Variants in DTNA observed in about 807,000 individuals in gnomAD.
DTNA encodes the protein dystrobrevin alpha.
In DTNA, 43 loss-of-function variants were observed where a neutral mutation model predicts 100.7. The observed-to-expected ratio is 0.43, with a 90% CI of 0.33 to 0.55. The LOEUF is 0.55. Among genes scored for constraint, DTNA ranks in the 20% least tolerant of loss-of-function variants. The pLI is 0.04. For missense variants in DTNA, 798 were observed against 953.9 expected (o/e 0.84, Z 2.15); for synonymous variants, 349 against 347.9 (o/e 1.00, Z -0.04).
chr18:34,746,434 G>T (rs1415127523), intron 1 of DTNA, among the ~76,000 whole-genome samples: 5 of 152,064 alleles, frequency 3.3e-5, no homozygotes, highest in Non-Finnish European at 7.4e-5. Flanking sequence ...CCAATGTGAG[G>T]CTCAGCCATC....
chr18:34,690,544 T>C (rs1202873036), intron 1 of DTNA, among the ~76,000 whole-genome samples: 1 of 152,226 alleles, frequency 6.6e-6, no homozygotes, highest in Non-Finnish European at 1.5e-5. Flanking sequence ...TGCGTTGGTC[T>C]CACTGGGAGC....
At chr18:34,857,209 ATTACAG>A (rs2096563005) in intron 15 of DTNA, among the ~76,000 whole-genome samples, 1 of 152,236 alleles carries the variant, frequency 6.6e-6, no homozygotes, top group African/African-American at 2.4e-5. Context: ...AAACCACTGA[ATTACAG>A]TTCCATCTTC....
intron 1 of DTNA, among the ~76,000 whole-genome samples, chr18:34,544,891 A>G (rs2044610478): frequency 6.6e-6 from 1 of 152,008 alleles, no homozygotes; most frequent in Non-Finnish European, 1.5e-5. Flanking sequence ...CCCTTAGGAT[A>G]CTGTCAGAAG....
At position 34,882,084 on chromosome 18, in the gene DTNA, A is replaced by C. The variant is rs145486636; in HGVS notation, c.2178A>C (p.Ala726=). The C allele has an allele frequency of 1.1e-4, 178 of 1,614,146 alleles. No individual in the cohort carries two copies. In the African/African-American group the frequency reaches 2.1e-3, roughly 19 times the overall value. The change falls in exon 21 of 23, where the codon GCA becomes GCC. Residue 726 remains alanine, a synonymous_variant. Coordinates refer to ENST00000444659, the MANE Select transcript of DTNA (RefSeq NM_001386795.1). ...TMRGDMVTED[A]DPYVQPEDEN... ...TTATTTTCAGGGTTACGGAGGATGC[A>C]GATCCCTATGTGCAGCCTGAAGATG...
intron 1 of DTNA, among the ~76,000 whole-genome samples, chr18:34,509,217 G>C (rs1431326764): frequency 1.3e-5 from 2 of 152,120 alleles, no homozygotes; most frequent in East Asian, 3.9e-4. Flanking sequence ...AAATGGTATA[G>C]CAGATGTTTC....
At chr18:34,866,769 A>G in intron 17 of DTNA, 2 of 990,906 alleles carry the variant, frequency 2.0e-6, no homozygotes, top group Non-Finnish European at 2.4e-6. Flanking sequence ...CCCAAAGCAG[A>G]ATCCTTACTG....
At chr18:34,668,290 A>C (rs2076233776) in intron 1 of DTNA, among the ~76,000 whole-genome samples, 1 of 151,910 alleles carries the variant, frequency 6.6e-6, no homozygotes, top group Non-Finnish European at 1.5e-5. Flanking sequence ...ATCATTTTTT[A>C]TTGCGTCTAT....
At chr18:34,677,271 G>C (rs181044679) in intron 1 of DTNA, among the ~76,000 whole-genome samples, 2 of 152,208 alleles carry the variant, frequency 1.3e-5, no homozygotes, top group East Asian at 3.9e-4. Flanking sequence ...ACCACCCATG[G>C]GGTTCTTTAA....
intron 1 of DTNA, among the ~76,000 whole-genome samples, chr18:34,539,962 C>G (rs1283546383): frequency 6.6e-6 from 1 of 151,704 alleles, no homozygotes; most frequent in Non-Finnish European, 1.5e-5. Context: ...AATATAGTCA[C>G]TATAATTAAC....
At chr18:34,866,164 A>T (rs763213634) in intron 17 of DTNA, 47 of 1,614,198 alleles carry the variant, frequency 2.9e-5, no homozygotes, top group Non-Finnish European at 4.0e-5. Context: ...GGTCTTAACT[A>T]ACAGTGGAGG....
At chr18:34,670,788 G>A (rs752598015) in intron 1 of DTNA, among the ~76,000 whole-genome samples, 23 of 152,172 alleles carry the variant, frequency 1.5e-4, no homozygotes, top group Non-Finnish European at 3.2e-4. Flanking sequence ...TGGAGGTTTT[G>A]TCTCAGAGGG....
At chr18:34,751,306 T>G (rs567251718) in intron 1 of DTNA, among the ~76,000 whole-genome samples, 97 of 152,338 alleles carry the variant, frequency 6.4e-4, no homozygotes, top group African/African-American at 2.3e-3. Context: ...AAGTATCCAA[T>G]TCACTGGACT....
chr18:34,583,329 G>A (rs2048816201), intron 1 of DTNA, among the ~76,000 whole-genome samples: 1 of 152,032 alleles, frequency 6.6e-6, no homozygotes, highest in Admixed American at 6.6e-5. Context: ...TGCCCCCGTT[G>A]GCCCCCACCC....
chr18:34,506,771 CTA>C (rs1244369763), intron 1 of DTNA, among the ~76,000 whole-genome samples: 1 of 152,104 alleles, frequency 6.6e-6, no homozygotes, highest in Non-Finnish European at 1.5e-5. Context: ...CTGAGGTCCC[CTA>C]GCTGATTTGT....
intron 1 of DTNA, among the ~76,000 whole-genome samples, chr18:34,495,198 A>AG (rs1390615201): frequency 6.6e-6 from 1 of 152,206 alleles, no homozygotes; most frequent in Non-Finnish European, 1.5e-5. Flanking sequence ...GATGAACCTT[A>AG]ATAGGTATGT....
chr18:34,499,805 G>A (rs965057121), intron 1 of DTNA, among the ~76,000 whole-genome samples: 2 of 151,814 alleles, frequency 1.3e-5, no homozygotes, highest in African/African-American at 2.4e-5. Context: ...TTTTCTATTT[G>A]GATTGTTTGG....
intron 1 of DTNA, among the ~76,000 whole-genome samples, chr18:34,642,034 A>C (rs1356671406): frequency 6.6e-6 from 1 of 152,214 alleles, no homozygotes; most frequent in East Asian, 1.9e-4. Flanking sequence ...GAACTTGTTT[A>C]ACTACTTTAT....
chr18:34,856,798 C>G (rs546753764), intron 15 of DTNA, among the ~76,000 whole-genome samples: 6 of 152,362 alleles, frequency 3.9e-5, no homozygotes, highest in Non-Finnish European at 8.8e-5. Flanking sequence ...AGACTGACTA[C>G]TCGATGCACG....
At chr18:34,648,950 G>T (rs1346729507) in intron 1 of DTNA, among the ~76,000 whole-genome samples, 1 of 152,036 alleles carries the variant, frequency 6.6e-6, no homozygotes, top group Non-Finnish European at 1.5e-5. Context: ...TTTCTAATGT[G>T]GTACTGTTGG....
Sources: allele counts gnomAD v4.1 joint callset (sites outside exome capture counted in the v4.1 genomes callset), GRCh38; gene constraint gnomAD v4.1.1; transcripts MANE v1.5; gene names NCBI Gene and HGNC (gene_info 2026-07-23, HGNC 2026-07-21).